Variants in ADCY9 observed in about 807,000 individuals in gnomAD.
ADCY9 encodes adenylate cyclase 9, also known as adenylate cyclase type 9.
Under a neutral mutation model 101.5 loss-of-function variants are expected in ADCY9, and 50 were observed. The observed-to-expected ratio is 0.49, with a 90% CI of 0.39 to 0.62. The LOEUF is 0.62. Among genes scored for constraint, ADCY9 ranks in the 20% least tolerant of loss-of-function variants. The pLI, the probability that ADCY9 is intolerant of heterozygous loss-of-function variation, is 0.00. For missense variants in ADCY9, 1,662 were observed against 1,800.4 expected (o/e 0.92, Z 1.39); for synonymous variants, 905 against 769.3 (o/e 1.18, Z -2.92).
At chr16:4,034,386 C>T (rs1276214979) in intron 2 of ADCY9, among the ~76,000 whole-genome samples, 2 of 152,208 alleles carry the variant, frequency 1.3e-5, no homozygotes, top group East Asian at 1.9e-4. Context: ...TGCTAACCCT[C>T]TCCCCAGAAG....
intron 3 of ADCY9, among the ~76,000 whole-genome samples, chr16:3,997,648 T>C (rs927087231): frequency 2.6e-5 from 4 of 152,212 alleles, no homozygotes; most frequent in Non-Finnish European, 5.9e-5. Context: ...CAGTGCTCAC[T>C]GCCTATTCCA....
intron 2 of ADCY9, among the ~76,000 whole-genome samples, chr16:4,055,160 C>T (rs1450795550): frequency 6.6e-6 from 1 of 152,172 alleles, no homozygotes; most frequent in African/African-American, 2.4e-5. Context: ...CAGAGCCATT[C>T]TTCCACACCG....
chr16:3,977,409 C>T lies in ADCY9; in HGVS notation c.2828+73G>A, dbSNP rs116699664. 1.3e-3 allele frequency: 2,015 copies of T among 1,503,534 alleles called. 26 individuals carry two copies. In the African/African-American group the frequency reaches 0.025, roughly 18 times the overall value. 93.1% of individuals were successfully genotyped at this position (1,503,534 alleles called of 1,614,324 possible). The stretch of plus-strand genomic sequence containing the variant: ...GGGCGTGAGAAGCAATGTGCAAATG[C>T]AGCCAGGCCCTACGCAACCTCGGGC... On this transcript the variant is annotated intron_variant, in intron 9 of 10. Transcript: ENST00000294016.
intron 2 of ADCY9, among the ~76,000 whole-genome samples, chr16:4,065,144 T>C (rs1597204036): frequency 1.3e-5 from 2 of 152,178 alleles, no homozygotes; most frequent in East Asian, 3.9e-4. Flanking sequence ...TATTGGAAAA[T>C]GCCCCTCTCT....
intron 2 of ADCY9, among the ~76,000 whole-genome samples, chr16:4,053,100 T>G (rs571031282): frequency 6.6e-6 from 1 of 152,216 alleles, no homozygotes; most frequent in Non-Finnish European, 1.5e-5. Context: ...ATAGTAAACA[T>G]GTCTTGGAAG....
At chr16:4,038,690 CCT>C (rs2056606797) in intron 2 of ADCY9, among the ~76,000 whole-genome samples, 1 of 151,964 alleles carries the variant, frequency 6.6e-6, no homozygotes, top group Non-Finnish European at 1.5e-5. Context: ...TCCTCACAAC[CCT>C]GTTTCTCTCC....
chr16:4,108,751 G>T (rs528175388), intron 2 of ADCY9, among the ~76,000 whole-genome samples: 28 of 146,178 alleles, frequency 1.9e-4, no homozygotes, highest in Non-Finnish European at 3.1e-4. Flanking sequence ...TGTCGCCCAG[G>T]CTGGAGTGCA....
At position 4,114,627 on chromosome 16, in the gene ADCY9, G is replaced by C. The variant is rs530198018; in HGVS notation, c.816C>G (p.Pro272=). The C allele has an allele frequency of 3.7e-6, 6 of 1,613,522 alleles. No individual in the cohort carries two copies. The highest frequency in any genetic ancestry group is 2.7e-5 in the African/African-American group (2 of 74,934). The change falls in exon 2 of 11, where the codon CCC becomes CCG. Residue 272 remains proline (P), a synonymous_variant. Coordinates refer to ENST00000294016, the MANE Select transcript of ADCY9 (RefSeq NM_001116.4). This position sits in a 1 kb window ranked among gnomAD's most constrained non-coding sequence, Gnocchi z 4.3. ...HFRDEACFPS[P]GAGALHWELL... is the part of the protein sequence containing the mutation. ...GCTCCCAGTGCAGGGCCCCGGCTCCGGGCGAGGGGAAGCAGGCTTCATCCC... is the reference window on the plus strand; with the variant it reads ...GCTCCCAGTGCAGGGCCCCGGCTCCCGGCGAGGGGAAGCAGGCTTCATCCC...
At chr16:4,086,171 C>A (rs114243981) in intron 2 of ADCY9, among the ~76,000 whole-genome samples, 2,811 of 151,968 alleles carry the variant, frequency 0.018, 113 homozygotes, top group African/African-American at 0.064. Flanking sequence ...GAAAAAAAAT[C>A]AAGTGCTGCC....
intron 3 of ADCY9, among the ~76,000 whole-genome samples, chr16:4,002,803 C>A (rs1194731487): frequency 3.9e-5 from 6 of 152,222 alleles, no homozygotes; most frequent in Non-Finnish European, 7.3e-5. Flanking sequence ...CAACCTTCAC[C>A]TACTAGGTTC....
At chr16:4,102,813 C>T (rs990859240) in intron 2 of ADCY9, among the ~76,000 whole-genome samples, 1 of 152,144 alleles carries the variant, frequency 6.6e-6, no homozygotes, top group Admixed American at 6.5e-5. Context: ...CCTCCGCCTC[C>T]CAGGTTCAAG....
At chr16:4,022,958 T>C (rs1052290778) in intron 2 of ADCY9, among the ~76,000 whole-genome samples, 5 of 152,190 alleles carry the variant, frequency 3.3e-5, no homozygotes, top group Non-Finnish European at 5.9e-5. Flanking sequence ...CTTATTAATC[T>C]CAGTACTGTA....
At chr16:3,995,263 A>G (rs1172617656) in intron 3 of ADCY9, among the ~76,000 whole-genome samples, 1 of 152,092 alleles carries the variant, frequency 6.6e-6, no homozygotes, top group East Asian at 1.9e-4. Flanking sequence ...CCCTGCCTCA[A>G]CAAAAAGCAT....
intron 2 of ADCY9, among the ~76,000 whole-genome samples, chr16:4,110,248 G>A (rs1465254618): frequency 6.6e-6 from 1 of 152,180 alleles, no homozygotes; most frequent in Non-Finnish European, 1.5e-5. Context: ...CCGGTGGCAG[G>A]AAAGAAAACA....
At chr16:3,998,749 GAAAGAAAAGAAAAGAAAAGA>G (rs71133679) in intron 3 of ADCY9, among the ~76,000 whole-genome samples, 14,365 of 89,664 alleles carry the variant, frequency 0.16, 1,591 homozygotes, top group African/African-American at 0.32. Flanking sequence ...AAGAAAGAAA[GAAAGAAAAGAAAAGAAAAGA>G]AAAGAAAAGA....
chr16:4,085,817 G>C (rs1206029135), intron 2 of ADCY9, among the ~76,000 whole-genome samples: 4 of 152,036 alleles, frequency 2.6e-5, no homozygotes, highest in Non-Finnish European at 5.9e-5. Context: ...TGACTCAGAT[G>C]ACATCGGTGC....
chr16:4,092,413 C>T (rs954050766), intron 2 of ADCY9, among the ~76,000 whole-genome samples: 3 of 152,206 alleles, frequency 2.0e-5, no homozygotes, highest in African/African-American at 7.2e-5. Flanking sequence ...TCCTGAAATT[C>T]TGGTAAATTT....
At chr16:4,108,344 A>G (rs2057090898) in intron 2 of ADCY9, among the ~76,000 whole-genome samples, 1 of 142,618 alleles carries the variant, frequency 7.0e-6, no homozygotes, top group African/African-American at 2.6e-5. Context: ...CCTCACCTTA[A>G]TCAGACCGTT....
chr16:4,101,112 C>T (rs2057040286), intron 2 of ADCY9, among the ~76,000 whole-genome samples: 1 of 152,104 alleles, frequency 6.6e-6, no homozygotes, highest in African/African-American at 2.4e-5. Context: ...TCTAATACAG[C>T]CTTTGGGTTT....
Sources: allele counts gnomAD v4.1 joint callset (sites outside exome capture counted in the v4.1 genomes callset), GRCh38; gene constraint gnomAD v4.1.1; non-coding constraint Gnocchi (gnomAD v3.1); transcripts MANE v1.5; gene names NCBI Gene and HGNC (gene_info 2026-07-23, HGNC 2026-07-21).